Variants in GALNTL6 observed in about 807,000 individuals in gnomAD.
The protein encoded by GALNTL6 is polypeptide N-acetylgalactosaminyltransferase-like 6.
GALNTL6 carries 46 observed loss-of-function variants against 73.7 expected under a neutral mutation model. The ratio of observed to expected loss-of-function variants is 0.62; its 90% CI spans 0.49 to 0.80. The LOEUF (loss-of-function observed/expected upper bound fraction) is 0.80. Ranked by LOEUF, GALNTL6 falls within the 30% of genes least tolerant of loss-of-function variation. GALNTL6 has a pLI of 0.00. For missense variants in GALNTL6, 604 were observed against 755.0 expected, an observed-to-expected ratio of 0.80 and a Z score of 2.34; for synonymous variants, 259 against 263.7, an observed-to-expected ratio of 0.98 and a Z score of 0.17.
rs1043267006 is a variant in GALNTL6, at chr4:172,593,644, C to G, written c.554-215717C>G. Among the ~76,000 whole-genome samples, 13 of 151,296 alleles carry G rather than the reference C, an allele frequency of 8.6e-5. 1 individual carries two copies. The highest frequency in any genetic ancestry group is 1.5e-5 in the Non-Finnish European group (1 of 67,954). The stretch of plus-strand genomic sequence containing the variant: ...AATCAAAAGGCAGAAACACTGATTA[C>G]TCATTAAGCATGACTTGTTTTTTTT... On this transcript the variant is annotated intron_variant, in intron 5 of 12. Transcript: ENST00000506823.
chr4:172,081,288 A>G (rs1431151639), intron 2 of GALNTL6, among the ~76,000 whole-genome samples: 1 of 152,236 alleles, frequency 6.6e-6, no homozygotes, highest in Non-Finnish European at 1.5e-5. Flanking sequence ...CTTCCAAAAT[A>G]ACTGGAATAA....
chr4:172,520,635 T>C (rs1039932988), intron 5 of GALNTL6, among the ~76,000 whole-genome samples: 3 of 151,976 alleles, frequency 2.0e-5, no homozygotes, highest in South Asian at 4.1e-4. Flanking sequence ...GTGAAGAATG[T>C]TGATGAATAA....
At chr4:172,614,348 G>A (rs1033592490) in intron 5 of GALNTL6, among the ~76,000 whole-genome samples, 1 of 152,232 alleles carries the variant, frequency 6.6e-6, no homozygotes, top group East Asian at 1.9e-4. Flanking sequence ...ACGTGCATCT[G>A]CAAAGCTGAA....
At chr4:172,495,616 G>A (rs1269168871) in intron 5 of GALNTL6, among the ~76,000 whole-genome samples, 6 of 152,170 alleles carry the variant, frequency 3.9e-5, no homozygotes, top group African/African-American at 1.4e-4. Context: ...CTGCTGGACA[G>A]AAACAGAGCT....
intron 3 of GALNTL6, among the ~76,000 whole-genome samples, chr4:172,267,770 A>AT (rs1738498806): frequency 6.6e-6 from 1 of 152,106 alleles, no homozygotes; most frequent in African/African-American, 2.4e-5. Flanking sequence ...AGTGGGGCAT[A>AT]TTTTTTTCTC....
At chr4:172,213,666 T>A (rs1362703703) in intron 2 of GALNTL6, among the ~76,000 whole-genome samples, 1 of 152,198 alleles carries the variant, frequency 6.6e-6, no homozygotes, top group Admixed American at 6.5e-5. Context: ...TAGAGAGCAA[T>A]CCCTTATCAG....
chr4:172,212,603 C>A (rs1246972855), intron 2 of GALNTL6, among the ~76,000 whole-genome samples: 1 of 152,136 alleles, frequency 6.6e-6, no homozygotes, highest in Non-Finnish European at 1.5e-5. Flanking sequence ...ATTACCTGTG[C>A]TTTACATATT....
At chr4:172,859,954 T>A (rs886497904) in intron 7 of GALNTL6, among the ~76,000 whole-genome samples, 8 of 152,206 alleles carry the variant, frequency 5.3e-5, no homozygotes, top group Non-Finnish European at 1.0e-4. Context: ...CCACTGTTTC[T>A]ACATTATGGT....
At chr4:172,314,030 C>T (rs1001588653) in intron 4 of GALNTL6, among the ~76,000 whole-genome samples, 2 of 152,186 alleles carry the variant, frequency 1.3e-5, no homozygotes, top group African/African-American at 4.8e-5. Context: ...AAGTACTATG[C>T]TTTTGACTTC....
At chr4:172,498,619 G>A (rs138497172) in intron 5 of GALNTL6, among the ~76,000 whole-genome samples, 1 of 152,166 alleles carries the variant, frequency 6.6e-6, no homozygotes, top group East Asian at 1.9e-4. Context: ...AATCTCCTAA[G>A]CAACTACTTA....
intron 8 of GALNTL6, among the ~76,000 whole-genome samples, chr4:172,892,030 C>T (rs112778920): frequency 1.7e-3 from 254 of 152,246 alleles, no homozygotes; most frequent in African/African-American, 5.9e-3. Flanking sequence ...TTCTGGCTTC[C>T]GTGCATTGGC....
chr4:172,555,246 T>G (rs1032517807), intron 5 of GALNTL6, among the ~76,000 whole-genome samples: 2 of 152,298 alleles, frequency 1.3e-5, no homozygotes, highest in South Asian at 2.1e-4. Context: ...TTTCAGAAGT[T>G]CTAATAGTCT....
intron 5 of GALNTL6, among the ~76,000 whole-genome samples, chr4:172,517,012 G>T (rs897512646): frequency 6.6e-6 from 1 of 152,076 alleles, no homozygotes; most frequent in African/African-American, 2.4e-5. Flanking sequence ...AGAATGGTGG[G>T]TGTCAGGAAC....
chr4:171,909,528 G>A (rs966448101), intron 2 of GALNTL6, among the ~76,000 whole-genome samples: 1 of 152,078 alleles, frequency 6.6e-6, no homozygotes, highest in Admixed American at 6.5e-5. Flanking sequence ...TAATGTTATA[G>A]GACACAGAAA....
At chr4:171,844,661 G>A (rs1027865154) in intron 2 of GALNTL6, among the ~76,000 whole-genome samples, 6 of 152,228 alleles carry the variant, frequency 3.9e-5, no homozygotes, top group Admixed American at 2.0e-4. Context: ...TGCTGGATAC[G>A]GAGCTGTGAC....
intron 5 of GALNTL6, among the ~76,000 whole-genome samples, chr4:172,351,688 A>G (rs1275218413): frequency 1.3e-5 from 2 of 152,072 alleles, no homozygotes; most frequent in African/African-American, 4.8e-5. Context: ...CTTTTCACCA[A>G]CTCTTTAAAA....
chr4:172,298,126 G>A (rs889283660), intron 3 of GALNTL6, among the ~76,000 whole-genome samples: 8 of 152,106 alleles, frequency 5.3e-5, no homozygotes, highest in African/African-American at 1.9e-4. Context: ...TTGTGAATGG[G>A]AGTTCACTCA....
At chr4:172,262,026 GT>G (rs2111037376) in intron 3 of GALNTL6, among the ~76,000 whole-genome samples, 1 of 151,210 alleles carries the variant, frequency 6.6e-6, no homozygotes, top group African/African-American at 2.4e-5. Context: ...AAACAATTTT[GT>G]TTTTAATGGC....
chr4:172,499,589 G>A (rs1307737530), intron 5 of GALNTL6, among the ~76,000 whole-genome samples: 1 of 152,140 alleles, frequency 6.6e-6, no homozygotes, highest in Non-Finnish European at 1.5e-5. Context: ...ATACCATAAA[G>A]CAGGAAAGTA....
Sources: allele counts gnomAD v4.1 joint callset (sites outside exome capture counted in the v4.1 genomes callset), GRCh38; gene constraint gnomAD v4.1.1; transcripts MANE v1.5; gene names NCBI Gene and HGNC (gene_info 2026-07-23, HGNC 2026-07-21).